FERMT2: variants seen among roughly 807,000 people sequenced by gnomAD.
FERMT2 encodes FERM domain containing kindlin 2.
A neutral mutation model predicts 82.7 loss-of-function variants in FERMT2; 15 were observed. The observed-to-expected ratio is 0.18, with a 90% confidence interval of 0.12 to 0.28. FERMT2 has a LOEUF of 0.28. Among genes scored for constraint, FERMT2 ranks in the 10% least tolerant of loss-of-function variants. FERMT2 has a pLI of 1.00. For missense variants in FERMT2, 645 were observed against 809.4 expected (o/e 0.80, Z 2.46); for synonymous variants, 274 against 271.5 (o/e 1.01, Z -0.09).
chr14:52,859,626 T>C lies in FERMT2; in HGVS notation c.1816A>G (p.Thr606Ala). Residue 606 changes from threonine (T) to alanine (A), a missense_variant, in exon 14 of 15, where the codon ACA becomes GCA. By Grantham distance (58) the Thr-to-Ala change is moderately conservative (BLOSUM62 0). Transcript: ENST00000341590. ...MDASTGDAIKTWRFSNMKQWN... is the reference protein window; with the variant it reads ...MDASTGDAIKAWRFSNMKQWN... ...TGTTTCATGTTGCTGAAACGCCATG[T>C]TTTAATTGCATCTCCAGTGCTGGCA... 1 of 1,612,512 alleles carries C rather than the reference T, an allele frequency of 6.2e-7. No individual in the cohort carries two copies. The highest frequency in any genetic ancestry group is 8.5e-7 in the Non-Finnish European group (1 of 1,179,162).
chr14:52,926,444 A>G (rs1050858085), intron 2 of FERMT2, among the ~76,000 whole-genome samples: 5 of 143,896 alleles, frequency 3.5e-5, no homozygotes, highest in Middle Eastern at 3.6e-3. Context: ...ACACACACAC[A>G]CACACACACA....
intron 2 of FERMT2, among the ~76,000 whole-genome samples, chr14:52,944,305 T>C (rs948235998): frequency 1.3e-5 from 2 of 152,236 alleles, no homozygotes; most frequent in Admixed American, 6.5e-5. Flanking sequence ...TTTCTTATAA[T>C]GTTAATGTAT....
chr14:52,864,700 C>A, intron 11 of FERMT2, 47 bp downstream of exon 11: 1 of 1,571,246 alleles, frequency 6.4e-7, no homozygotes. Flanking sequence ...GATGACTGGT[C>A]AACTCATTTA....
intron 2 of FERMT2, among the ~76,000 whole-genome samples, chr14:52,936,764 T>C (rs566806342): frequency 6.6e-6 from 1 of 152,260 alleles, no homozygotes; most frequent in South Asian, 2.1e-4. Context: ...CCTCCACAAA[T>C]CCTATCCTAT....
intron 4 of FERMT2, among the ~76,000 whole-genome samples, chr14:52,887,716 GGAT>G (rs1405052962): frequency 6.6e-6 from 1 of 152,000 alleles, no homozygotes; most frequent in African/African-American, 2.4e-5. Flanking sequence ...ACCGGAGCCT[GGAT>G]GTGAATTCTA....
chr14:52,874,749 T>A (rs1268226333), intron 8 of FERMT2, among the ~76,000 whole-genome samples: 2 of 152,244 alleles, frequency 1.3e-5, no homozygotes, highest in Non-Finnish European at 2.9e-5. Context: ...TATTAGAGTA[T>A]TAGATCTATT....
intron 3 of FERMT2, among the ~76,000 whole-genome samples, chr14:52,895,889 A>G (rs1342066095): frequency 6.6e-6 from 1 of 152,222 alleles, no homozygotes; most frequent in African/African-American, 2.4e-5. Context: ...GTCTACAGTC[A>G]TGCGTCACTT....
intron 2 of FERMT2, among the ~76,000 whole-genome samples, chr14:52,929,440 T>C (rs575534251): frequency 9.8e-5 from 15 of 152,298 alleles, no homozygotes; most frequent in African/African-American, 3.4e-4. Flanking sequence ...CTGAAAATCC[T>C]TTGCAACTGC....
At chr14:52,883,294 TC>T (rs1886398862) in intron 4 of FERMT2, among the ~76,000 whole-genome samples, 1 of 152,206 alleles carries the variant, frequency 6.6e-6, no homozygotes. Context: ...AAAAGCTAGA[TC>T]CTTAAACTAG....
chr14:52,893,398 A>G lies in FERMT2; in HGVS notation c.421T>C (p.Leu141=), dbSNP rs907893996. 4 of 1,610,096 alleles carry G rather than the reference A, an allele frequency of 2.5e-6. No individual in the cohort carries two copies. The African/African-American group carries it at 5.4e-5, about 22-fold the overall frequency. Residue 141 remains leucine, a synonymous_variant, in exon 4 of 15, where the codon TTA becomes CTA. Transcript: ENST00000341590. ...TTTGTTGGATCTCTGGGTTTCTTTAAGAGAGAAAGTTCTTCGGGGTGTCTG... is the reference window on the plus strand; with the variant it reads ...TTTGTTGGATCTCTGGGTTTCTTTAGGAGAGAAAGTTCTTCGGGGTGTCTG... The part of the protein sequence containing the change: ...NIRHPEELSL[L]KKPRDPTKKK...
At chr14:52,863,978 A>G (rs1322930279) in intron 12 of FERMT2, among the ~76,000 whole-genome samples, 1 of 152,080 alleles carries the variant, frequency 6.6e-6, no homozygotes, top group African/African-American at 2.4e-5. Context: ...CTGTGTCCTT[A>G]TCTGTTCTAT....
In FERMT2 at chr14:52,921,034, C is replaced by A. The variant is rs536906619; in HGVS notation, c.158-1678G>T. 1.8e-4 allele frequency among the ~76,000 whole-genome samples: 28 copies of A among 152,138 alleles called. No homozygotes were observed. The Middle Eastern group carries it at 0.014, about 74-fold the overall frequency. On this transcript the variant is annotated intron_variant, in intron 2 of 14. Coordinates refer to ENST00000341590, the MANE Select transcript of FERMT2 (RefSeq NM_006832.3). ...TAAAGCTCATTTTAATATAGTCGTA[C>A]CTTTAAAAAGAGTTTATCAACTTTA...
At chr14:52,906,660 A>G (rs1181484047) in intron 3 of FERMT2, among the ~76,000 whole-genome samples, 1 of 152,102 alleles carries the variant, frequency 6.6e-6, no homozygotes, top group African/African-American at 2.4e-5. Flanking sequence ...AAAATGAAAA[A>G]TCTATATAAA....
intron 3 of FERMT2, among the ~76,000 whole-genome samples, chr14:52,898,175 A>G (rs1887411311): frequency 6.6e-6 from 1 of 152,126 alleles, no homozygotes; most frequent in Admixed American, 6.6e-5. Context: ...CTGCTCTTTA[A>G]TTATTAATAA....
intron 10 of FERMT2, among the ~76,000 whole-genome samples, chr14:52,865,796 G>A (rs1885240228): frequency 6.6e-6 from 1 of 152,054 alleles, no homozygotes; most frequent in Non-Finnish European, 1.5e-5. Context: ...CATTTTCCCT[G>A]TCTACATAAA....
Position 52,881,412 on chromosome 14 carries a change from G to A in FERMT2, c.584C>T (p.Ala195Val), listed in dbSNP as rs1555367788. ...YSKTMTPTYDAHDGSPLSPTS... is the reference protein window; with the variant it reads ...YSKTMTPTYDVHDGSPLSPTS... ...TGGTGACAAGGGGCTTCCATCATGA[G>A]CATCATAAGTGGGGGTCATTGTTTT... Residue 195 changes from alanine to valine, a missense_variant, in exon 5 of 15, where the codon GCT becomes GTT. Transcript: ENST00000341590. 1.9e-6 allele frequency: 3 copies of A among 1,614,006 alleles called. No homozygotes were observed. The Admixed American group carries it at 5.0e-5, about 27-fold the overall frequency.
chr14:52,914,211 T>A (rs886696135), intron 3 of FERMT2, among the ~76,000 whole-genome samples: 10 of 148,860 alleles, frequency 6.7e-5, no homozygotes, highest in East Asian at 4.0e-4. Context: ...AAAAAAAAAA[T>A]ATATAAAAAT....
chr14:52,938,879 G>A (rs1481916027), intron 2 of FERMT2, among the ~76,000 whole-genome samples: 1 of 151,964 alleles, frequency 6.6e-6, no homozygotes, highest in Non-Finnish European at 1.5e-5. Context: ...CCAGAATATT[G>A]AATTTATGGA....
In FERMT2 at chr14:52,888,270, C is replaced by T. The variant is rs541489902; in HGVS notation, c.526+5023G>A. Among the ~76,000 whole-genome samples, 25 of 152,218 alleles carry T rather than the reference C, an allele frequency of 1.6e-4. No homozygotes were observed. In the Middle Eastern group the frequency reaches 0.014, roughly 83 times the overall value. ...TATTTTTAAAATACGGATTAGTATT[C>T]GTATTAGATGTGACTTATAAAAGGA... On this transcript the variant is annotated intron_variant, in intron 4 of 14. Transcript: ENST00000341590.
Sources: allele counts gnomAD v4.1 joint callset (sites outside exome capture counted in the v4.1 genomes callset), GRCh38; gene constraint gnomAD v4.1.1; transcripts MANE v1.5; gene names NCBI Gene and HGNC (gene_info 2026-07-23, HGNC 2026-07-21).